Variants in VAC14 observed in about 807,000 individuals in gnomAD.
The protein encoded by VAC14 is VAC14 component of PIKFYVE complex.
Under a neutral mutation model 85.3 loss-of-function variants are expected in VAC14, and 47 were observed. The observed-to-expected ratio is 0.55, with a 90% confidence interval of 0.44 to 0.70. VAC14 has a LOEUF of 0.70. Ranked by LOEUF, VAC14 falls within the 30% of genes least tolerant of loss-of-function variation. The probability of loss-of-function intolerance (pLI) is 0.00; values close to 1 mark genes in which losing one functional copy is unlikely to be tolerated. For synonymous variants in VAC14, 447 were observed against 430.5 expected (o/e 1.04, Z -0.47); for missense variants, 861 against 1,004.3 (o/e 0.86, Z 1.93).
chr16:70,731,176 C>T (rs1469429798), intron 14 of VAC14: 2 of 694,246 alleles, frequency 2.9e-6, no homozygotes, highest in Non-Finnish European at 3.7e-6. Context: ...CCATCTGGCT[C>T]ACCTCCTTTC....
At chr16:70,718,464 C>T (rs371806918) in intron 14 of VAC14, among the ~76,000 whole-genome samples, 40 of 150,848 alleles carry the variant, frequency 2.7e-4, no homozygotes, top group Middle Eastern at 3.4e-3. Context: ...CCCAACTACT[C>T]GGGAGGCTGA....
At chr16:70,766,000 G>A (rs561807861) in intron 10 of VAC14, among the ~76,000 whole-genome samples, 4 of 152,060 alleles carry the variant, frequency 2.6e-5, no homozygotes, top group African/African-American at 4.8e-5. Flanking sequence ...GGGTGTGGTG[G>A]TACATTCCTA....
At position 70,746,158 on chromosome 16, in the gene VAC14, C is replaced by G. The variant is rs145417975; in HGVS notation, c.1372-1579G>C. ...CCCCCACACTGCCCAATTGTCACTT[C>G]TCCTCCTGGTTCCTCTAGGCCAGCC... On this transcript the variant is annotated intron_variant, in intron 12 of 18. Coordinates refer to ENST00000261776, the MANE Select transcript of VAC14 (RefSeq NM_018052.5). Among the ~76,000 whole-genome samples the G allele has an allele frequency of 2.0e-4, 31 of 152,342 alleles. No individual in the cohort carries two copies. The East Asian group carries it at 2.9e-3, about 14-fold the overall frequency.
intron 16 of VAC14, 47 bp downstream of exon 16, chr16:70,697,092 C>T (rs760327285): frequency 6.6e-7 from 1 of 1,524,624 alleles, no homozygotes; most frequent in Non-Finnish European, 9.1e-7. Flanking sequence ...CCGGCCCCTT[C>T]CTGCCCCTCA....
At chr16:70,776,273 T>C (rs1020691738) in intron 9 of VAC14, among the ~76,000 whole-genome samples, 1 of 152,164 alleles carries the variant, frequency 6.6e-6, no homozygotes, top group South Asian at 2.1e-4. Context: ...GCTAATTTTT[T>C]AAAATTATTA....
At chr16:70,753,011 G>GGTGTGTGTGTGTGTGT (rs372860764) in intron 12 of VAC14, among the ~76,000 whole-genome samples, 15 of 142,982 alleles carry the variant, frequency 1.0e-4, no homozygotes, top group African/African-American at 1.8e-4. Context: ...AGGAGGAGGG[G>GGTGTGTGTGTGTGTGT]GTGTGTGTGT....
intron 18 of VAC14, chr16:70,688,722 G>A: frequency 1.0e-6 from 1 of 985,554 alleles, no homozygotes; most frequent in Non-Finnish European, 1.2e-6. Context: ...AACACAGGTT[G>A]TGCACTGCAC....
chr16:70,774,078 T>C (rs190768092), intron 9 of VAC14, among the ~76,000 whole-genome samples: 4 of 152,190 alleles, frequency 2.6e-5, no homozygotes, highest in South Asian at 2.1e-4. Flanking sequence ...CCCGGCTCCA[T>C]AGTTCAATGA....
At chr16:70,746,579 C>T (rs1307248755) in intron 12 of VAC14, among the ~76,000 whole-genome samples, 3 of 152,242 alleles carry the variant, frequency 2.0e-5, no homozygotes, top group Admixed American at 2.0e-4. Context: ...CCACCCAGGC[C>T]AGGAGCCGGG....
intron 9 of VAC14, among the ~76,000 whole-genome samples, chr16:70,775,966 A>G (rs1339019503): frequency 6.6e-6 from 1 of 152,212 alleles, no homozygotes; most frequent in East Asian, 1.9e-4. Flanking sequence ...TTGGAAGAGC[A>G]GTTACCCCTT....
intron 14 of VAC14, among the ~76,000 whole-genome samples, chr16:70,701,470 G>C (rs1597857115): frequency 6.6e-6 from 1 of 152,102 alleles, no homozygotes; most frequent in Non-Finnish European, 1.5e-5. Context: ...CCTCTGCTGG[G>C]TCCACTGGCA....
At chr16:70,732,900 T>C (rs1371311751) in intron 13 of VAC14, among the ~76,000 whole-genome samples, 1 of 152,154 alleles carries the variant, frequency 6.6e-6, no homozygotes, top group Non-Finnish European at 1.5e-5. Context: ...CCACCTGCCT[T>C]GGCCTCCCAA....
intron 8 of VAC14, among the ~76,000 whole-genome samples, chr16:70,781,439 G>A (rs1420643863): frequency 6.6e-6 from 1 of 152,234 alleles, no homozygotes; most frequent in Non-Finnish European, 1.5e-5. Flanking sequence ...CTAGTCTGGA[G>A]CTCAGTCGTC....
intron 1 of VAC14, among the ~76,000 whole-genome samples, chr16:70,794,680 A>G (rs1043743549): frequency 6.6e-6 from 1 of 152,210 alleles, no homozygotes; most frequent in Non-Finnish European, 1.5e-5. Flanking sequence ...AAATTTCTCA[A>G]TTTAAAATAC....
At chr16:70,754,540 C>T (rs940210427) in intron 12 of VAC14, among the ~76,000 whole-genome samples, 2 of 152,138 alleles carry the variant, frequency 1.3e-5, no homozygotes, top group African/African-American at 4.8e-5. Flanking sequence ...CAGAAGCCCC[C>T]AAAAGAAGCT....
chr16:70,688,851 T>C (rs1597840740), intron 18 of VAC14: 4 of 985,606 alleles, frequency 4.1e-6, no homozygotes, highest in Non-Finnish European at 3.6e-6. Flanking sequence ...GTCCTGTTCC[T>C]ACTCACCCTC....
intron 14 of VAC14, among the ~76,000 whole-genome samples, chr16:70,719,726 T>C (rs2054242835): frequency 6.6e-6 from 1 of 152,152 alleles, no homozygotes; most frequent in East Asian, 1.9e-4. Context: ...TGATACCAAG[T>C]GTTGGTGAGG....
At chr16:70,756,208 C>G in intron 12 of VAC14, 3 of 394,272 alleles carry the variant, frequency 7.6e-6, no homozygotes, top group African/African-American at 2.1e-5. Context: ...CACCCCAGCT[C>G]TGCTCTGCTC....
rs77624366 is a variant in VAC14, at chr16:70,704,309, G to A, written c.1662-5498C>T. ...CCTGCCTCATGGTAACAGAAGGGGC[G>A]GTGGGAGAAAGGCATGGATGGGAGC... On this transcript the variant is annotated intron_variant, in intron 14 of 18. Transcript: ENST00000261776. Among the ~76,000 whole-genome samples, 336 of 152,366 alleles carry A rather than the reference G, an allele frequency of 2.2e-3. 4 individuals are homozygous for A. Among genetic ancestry groups the A allele is most frequent in the African/African-American group, 7.8e-3 (325 of 41,586 alleles).
Sources: allele counts gnomAD v4.1 joint callset (sites outside exome capture counted in the v4.1 genomes callset), GRCh38; gene constraint gnomAD v4.1.1; transcripts MANE v1.5; gene names NCBI Gene and HGNC (gene_info 2026-07-23, HGNC 2026-07-21).